The following MEP1A variants were observed in gnomAD, a reference collection of about 807,000 sequenced individuals.
The protein encoded by MEP1A is meprin A subunit alpha.
A neutral mutation model predicts 84.5 loss-of-function variants in MEP1A; 68 were observed. The observed-to-expected ratio is 0.80, with a 90% CI of 0.66 to 0.98. The LOEUF (loss-of-function observed/expected upper bound fraction) is 0.98. Among genes scored for constraint, MEP1A ranks in the 50% least tolerant of loss-of-function variants. The pLI, the probability that MEP1A is intolerant of heterozygous loss-of-function variation, is 0.00. For synonymous variants in MEP1A, 337 were observed against 336.8 expected (o/e 1.00, Z -0.01); for missense variants, 887 against 919.9 (o/e 0.96, Z 0.46).
intron 5 of MEP1A, among the ~76,000 whole-genome samples, chr6:46,801,446 A>T (rs1441586553): frequency 6.6e-6 from 1 of 152,074 alleles, no homozygotes; most frequent in African/African-American, 2.4e-5. Context: ...CAACTCCTTC[A>T]TGAGTTTTAA....
intron 13 of MEP1A, among the ~76,000 whole-genome samples, chr6:46,838,539 A>G (rs1424946374): frequency 1.3e-5 from 2 of 152,162 alleles, no homozygotes; most frequent in African/African-American, 4.8e-5. Flanking sequence ...TTAAGTTACC[A>G]CTGATGCTCT....
rs139463470 is a variant in MEP1A, at chr6:46,821,668, A to C, written c.556+1964A>C. On this transcript the variant is annotated intron_variant, in intron 7 of 13. Transcript: ENST00000230588. ...ACATTTCTATTTCCAAGTCTTATAG[A>C]ATACAATACTTAATGCTTTTAAAAT... Among the ~76,000 whole-genome samples the C allele has an allele frequency of 2.6e-3, 395 of 152,316 alleles. 1 individual carries two copies. Among genetic ancestry groups the C allele is most frequent in the African/African-American group, 9.2e-3 (384 of 41,570 alleles).
chr6:46,798,515 T>G, intron 3 of MEP1A, 91 bp from the exon 4 acceptor site: 1 of 1,105,114 alleles, frequency 9.0e-7, no homozygotes, highest in Non-Finnish European at 1.4e-6. Flanking sequence ...ATTCAAAGAT[T>G]TATAATGGCA....
chr6:46,836,070 G>T (rs1019204000), intron 13 of MEP1A, among the ~76,000 whole-genome samples: 2 of 152,234 alleles, frequency 1.3e-5, no homozygotes, highest in Admixed American at 6.5e-5. Context: ...CATCTTACAC[G>T]CATGATCTAA....
At chr6:46,829,049 CACAG>C (rs1768012687) in intron 9 of MEP1A, among the ~76,000 whole-genome samples, 1 of 152,158 alleles carries the variant, frequency 6.6e-6, no homozygotes, top group Non-Finnish European at 1.5e-5. Flanking sequence ...GAATTCATCT[CACAG>C]ACACAAAATT....
intron 6 of MEP1A, among the ~76,000 whole-genome samples, chr6:46,812,914 G>A (rs1196387986): frequency 6.6e-6 from 1 of 152,072 alleles, no homozygotes; most frequent in Non-Finnish European, 1.5e-5. Flanking sequence ...AATGTTCCAT[G>A]TGCTGGTAAC....
At chr6:46,809,840 T>A (rs912719312) in intron 6 of MEP1A, among the ~76,000 whole-genome samples, 1 of 151,416 alleles carries the variant, frequency 6.6e-6, no homozygotes, top group Non-Finnish European at 1.5e-5. Flanking sequence ...TACATATATT[T>A]TTTTTTCTTT....
intron 7 of MEP1A, among the ~76,000 whole-genome samples, chr6:46,824,696 T>TATGTATTTAAATAG (rs1459346748): frequency 4.0e-5 from 5 of 125,782 alleles, no homozygotes; most frequent in African/African-American, 1.7e-4. Context: ...ATATATAAAT[T>TATGTATTTAAATAG]ATGTATTTAA....
At position 46,798,506 on chromosome 6, in the gene MEP1A, T is replaced by C. The variant is rs1300356954; in HGVS notation, c.146-100T>C. ...AAGTTTTGCCACATAAAGATTAATA[T>C]TCAAAGATTTATAATGGCAAATACT... On this transcript the variant is annotated intron_variant, in intron 3 of 13. Transcript: ENST00000230588. 4.8e-6 allele frequency: 5 copies of C among 1,032,086 alleles called. No individual in the cohort carries two copies. The East Asian group carries it at 1.2e-4, about 25-fold the overall frequency. 63.9% of individuals were successfully genotyped at this position (1,032,086 alleles called of 1,614,324 possible). A position where few individuals can be genotyped will look rare whatever the true frequency, so the allele number is the denominator to read the frequency against.
At chr6:46,822,404 C>T (rs1259151789) in intron 7 of MEP1A, among the ~76,000 whole-genome samples, 1 of 152,118 alleles carries the variant, frequency 6.6e-6, no homozygotes, top group Non-Finnish European at 1.5e-5. Context: ...ACCAACCTAG[C>T]ACAGCTCTTA....
At chr6:46,834,981 G>A (rs1165781333) in intron 12 of MEP1A, among the ~76,000 whole-genome samples, 2 of 152,096 alleles carry the variant, frequency 1.3e-5, no homozygotes, top group South Asian at 4.1e-4. Context: ...AGAGGTAACC[G>A]TTCACTGATT....
intron 9 of MEP1A, among the ~76,000 whole-genome samples, chr6:46,827,837 A>G (rs1040567473): frequency 2.6e-5 from 4 of 152,236 alleles, no homozygotes; most frequent in African/African-American, 9.6e-5. Context: ...GCTAAACACA[A>G]AGGTGATCTT....
chr6:46,845,800 T>C, the MEP1A span, among the ~76,000 whole-genome samples: 1 of 152,178 alleles, frequency 6.6e-6, no homozygotes, highest in Non-Finnish European at 1.5e-5. Flanking sequence ...GGTGTACCAA[T>C]CTAGTATCTT....
At chr6:46,794,770 G>C (rs1767014254) in intron 3 of MEP1A, among the ~76,000 whole-genome samples, 1 of 152,212 alleles carries the variant, frequency 6.6e-6, no homozygotes, top group South Asian at 2.1e-4. Flanking sequence ...TTTAGAGTTA[G>C]CCATTGTGTA....
At chr6:46,797,792 C>CTCTTTCTTTGTT (rs1767080993) in intron 3 of MEP1A, among the ~76,000 whole-genome samples, 1 of 136,690 alleles carries the variant, frequency 7.3e-6, no homozygotes, top group East Asian at 2.2e-4. Context: ...TTCTTTCTTT[C>CTCTTTCTTTGTT]TCTTTCTTTC....
chr6:46,807,576 G>C (rs1198868870), intron 5 of MEP1A, among the ~76,000 whole-genome samples: 1 of 64,580 alleles, frequency 1.5e-5, no homozygotes, highest in African/African-American at 7.5e-5. Context: ...AAGGAAGGAA[G>C]GAAGGAAGGA....
intron 11 of MEP1A, among the ~76,000 whole-genome samples, chr6:46,834,325 T>A (rs996623227): frequency 2.6e-5 from 4 of 152,094 alleles, no homozygotes; most frequent in African/African-American, 7.2e-5. Context: ...AGCAGACAAC[T>A]GATCACTCAG....
downstream of MEP1A, among the ~76,000 whole-genome samples, chr6:46,842,440 C>T (rs572042040): frequency 1.4e-4 from 22 of 152,210 alleles, no homozygotes; most frequent in East Asian, 1.4e-3. Context: ...GGTCTATAAA[C>T]GGCTGCTCTG....
rs1562113521 is a variant in MEP1A at position 46,824,810 on chromosome 6, G to GATGTATTTAAATATATATAAATGATA, written c.557-462_557-461insATGTATTTAAATATATATAAATGATA. Among the ~76,000 whole-genome samples, 94 of 95,400 alleles carry GATGTATTTAAATATATATAAATGATA rather than the reference G, an allele frequency of 9.9e-4. 15 individuals carry two copies. Among genetic ancestry groups the GATGTATTTAAATATATATAAATGATA allele is most frequent in the African/African-American group, 4.9e-3 (88 of 17,872 alleles). 62.6% of individuals were successfully genotyped at this position (95,400 alleles called of 152,430 possible). A position where few individuals can be genotyped will look rare whatever the true frequency, so the allele number is the denominator to read the frequency against. ...ATGTATTTAAATATATATAAATGATGTATTTAATTAGATGTATTTAAATAT... is the reference window on the plus strand; with the variant it reads ...ATGTATTTAAATATATATAAATGATGATGTATTTAAATATATATAAATGATATATTTAATTAGATGTATTTAAATAT... On this transcript the variant is annotated intron_variant, in intron 7 of 13. Coordinates refer to ENST00000230588, the MANE Select transcript of MEP1A (RefSeq NM_005588.3).
Sources: gnomAD v4.1 joint callset for allele counts (sites outside exome capture counted in the v4.1 genomes callset) on GRCh38, gnomAD v4.1.1 for gene constraint, MANE v1.5 for transcripts, NCBI Gene and HGNC (gene_info 2026-07-23, HGNC 2026-07-21) for gene names.